The following AARS1 variants were observed in gnomAD, a reference collection of about 807,000 sequenced individuals.
The protein encoded by AARS1 is alanyl-tRNA synthetase 1.
AARS1 carries 72 observed loss-of-function variants against 108.9 expected under a neutral mutation model. The ratio of observed to expected loss-of-function variants is 0.66; its 90% CI spans 0.55 to 0.80. The LOEUF is 0.80. Ranked by LOEUF, AARS1 falls within the 30% of genes least tolerant of loss-of-function variation. The pLI is 0.00. For synonymous variants in AARS1, 489 were observed against 465.7 expected (o/e 1.05, Z -0.64); for missense variants, 1,193 against 1,233.2 (o/e 0.97, Z 0.49).
intron 19 of AARS1, 146 bp from the exon 20 acceptor site, chr16:70,253,527 G>T: frequency 9.8e-7 from 1 of 1,018,360 alleles, no homozygotes; most frequent in Non-Finnish European, 1.5e-6. Context: ...GAGGACCCCA[G>T]CGCCGGGCCC....
chr16:70,263,829 G>A (rs1379411384), intron 11 of AARS1, among the ~76,000 whole-genome samples: 1 of 151,884 alleles, frequency 6.6e-6, no homozygotes, highest in Non-Finnish European at 1.5e-5. Flanking sequence ...TAGAGACAGG[G>A]TTTCGCCATG....
rs541221840 is a variant in AARS1 at position 70,275,529 on chromosome 16, G to A, written c.479+957C>T. 1.3e-4 allele frequency among the ~76,000 whole-genome samples: 20 copies of A among 151,352 alleles called. No individual in the cohort carries two copies. In the East Asian group the frequency reaches 3.0e-3, roughly 23 times the overall value. On this transcript the variant is annotated intron_variant, in intron 4 of 20. Coordinates refer to ENST00000261772, the MANE Select transcript of AARS1 (RefSeq NM_001605.3). The stretch of plus-strand genomic sequence containing the variant: ...TGTAATCCCAGCACTTTGGGAGGCC[G>A]AGGCAGGCGGATCACGAGGTCAGGA...
At chr16:70,261,184 T>C (rs1376843891) in intron 12 of AARS1, 27 bp from the exon 13 acceptor site, 1 of 1,524,428 alleles carries the variant, frequency 6.6e-7, no homozygotes, top group Non-Finnish European at 9.1e-7. Context: ...AAGAGACCAA[T>C]AAATAAATCC....
chr16:70,253,622 G>C (rs765244052), intron 19 of AARS1, 92 bp downstream of exon 19: 2 of 1,439,330 alleles, frequency 1.4e-6, no homozygotes, highest in East Asian at 4.5e-5. Context: ...TGGGCCCTTA[G>C]GCAACCACTT....
intron 1 of AARS1, among the ~76,000 whole-genome samples, chr16:70,284,474 C>T (rs141949736): frequency 1.7e-3 from 253 of 151,984 alleles, no homozygotes; most frequent in African/African-American, 5.6e-3. Context: ...TGGTGGCAGG[C>T]GCCTGTAGTC....
At chr16:70,253,534 GCCCTGC>G in intron 19 of AARS1, 153 bp from the exon 20 acceptor site, 1 of 1,012,068 alleles carries the variant, frequency 9.9e-7, no homozygotes, top group Non-Finnish European at 1.5e-6. Flanking sequence ...CCAGCGCCGG[GCCCTGC>G]CCCTACCCTG....
chr16:70,270,350 C>A lies in AARS1; in HGVS notation c.672-10G>T. The A allele has an allele frequency of 2.5e-6, 4 of 1,614,104 alleles. No individual in the cohort carries two copies. The highest frequency in any genetic ancestry group is 3.4e-6 in the Non-Finnish European group (4 of 1,180,028). The stretch of plus-strand genomic sequence containing the variant: ...AATGCCATCAGCTTCCCTGTATGAT[C>A]CAGAAGAAGAGGAGGTTGAAGCAGA... On this transcript the variant is annotated splice_polypyrimidine_tract_variant and intron_variant, in intron 5 of 20. Transcript: ENST00000261772.
chr16:70,270,140 G>A, intron 6 of AARS1, 56 bp downstream of exon 6: 2 of 1,603,636 alleles, frequency 1.2e-6, no homozygotes, highest in South Asian at 1.1e-5. Context: ...GCACTGTTAA[G>A]AGTACAGCCT....
chr16:70,281,363 G>A (rs1960691149), intron 2 of AARS1, among the ~76,000 whole-genome samples: 1 of 152,036 alleles, frequency 6.6e-6, no homozygotes, highest in Non-Finnish European at 1.5e-5. Context: ...CCCCATCTCT[G>A]CATATAAATA....
intron 1 of AARS1, among the ~76,000 whole-genome samples, chr16:70,285,227 T>TA (rs541642359): frequency 0.08 from 10,674 of 133,758 alleles, 1,214 homozygotes; most frequent in African/African-American, 0.26. Context: ...AGACTCCGTC[T>TA]AAAAAAAAAA....
intron 2 of AARS1, among the ~76,000 whole-genome samples, chr16:70,278,406 A>C (rs1450927265): frequency 1.3e-5 from 2 of 151,876 alleles, no homozygotes; most frequent in Admixed American, 1.3e-4. Flanking sequence ...TCTCCACTAA[A>C]AATGCAAAAT....
intron 4 of AARS1, among the ~76,000 whole-genome samples, chr16:70,274,501 G>A (rs966973873): frequency 6.6e-6 from 1 of 151,346 alleles, no homozygotes; most frequent in East Asian, 2.0e-4. Context: ...CGAGGCGTGT[G>A]GATCACCAGG....
In AARS1 at chr16:70,265,077, C is replaced by A; in HGVS notation, c.1373G>T (p.Gly458Val). Residue 458 changes from glycine to valine, a missense_variant, in exon 11 of 21, where the codon GGT becomes GTT. By Grantham distance (109) the Gly-to-Val change is moderately radical (BLOSUM62 -3). Transcript: ENST00000261772. ...AQLKSQGKGA[G>V]GEDLIMLDIY... ...GTCCAGCATAATGAGGTCTTCCCCA[C>A]CAGCTCCCTTGCCCTGTGATTTCAG... 1 of 1,614,154 alleles carries A rather than the reference C, an allele frequency of 6.2e-7. No individual in the cohort carries two copies. The highest frequency in any genetic ancestry group is 8.5e-7 in the Non-Finnish European group (1 of 1,180,038).
At chr16:70,266,435 G>A (rs1960265566) in intron 9 of AARS1, among the ~76,000 whole-genome samples, 1 of 151,926 alleles carries the variant, frequency 6.6e-6, no homozygotes, top group Non-Finnish European at 1.5e-5. Flanking sequence ...GGCGGAGCTT[G>A]CAGTGAGCTG....
chr16:70,269,395 G>C (rs1190710932), intron 7 of AARS1, among the ~76,000 whole-genome samples: 6 of 141,762 alleles, frequency 4.2e-5, no homozygotes, highest in Admixed American at 2.2e-4. Flanking sequence ...AAATTAGCCA[G>C]GCGTGGTGGT....
In AARS1 at chr16:70,254,603, G is replaced by C. The variant is rs370210754; in HGVS notation, c.2400+18C>G. The C allele has an allele frequency of 7.1e-6, 11 of 1,556,540 alleles. No individual in the cohort carries two copies. In the South Asian group the frequency reaches 1.2e-4, roughly 17 times the overall value. ...ATGCACCAGGCCCTGAGGACGGAGG[G>C]AGGGAAGCCGCCCCTACCTCTCCAA... On this transcript the variant is annotated intron_variant, in intron 17 of 20. Transcript: ENST00000261772.
chr16:70,254,955 G>A (rs1284551816), intron 16 of AARS1, among the ~76,000 whole-genome samples: 1 of 152,110 alleles, frequency 6.6e-6, no homozygotes. Flanking sequence ...TCAGACTCAG[G>A]GGTGATCAAG....
Position 70,255,790 on chromosome 16 carries a change from C to A in AARS1, c.2224G>T (p.Glu742Ter). The A allele has an allele frequency of 6.2e-7, 1 of 1,614,212 alleles. No homozygotes were observed. Among genetic ancestry groups the A allele is most frequent in the Non-Finnish European group, 8.5e-7 (1 of 1,180,032 alleles). The change falls in exon 16 of 21, where the codon GAA becomes TAA. Residue 742 changes from glutamate (E) to a stop codon, truncating the protein, a stop_gained. Coordinates refer to ENST00000261772, the MANE Select transcript of AARS1 (RefSeq NM_001605.3). LOFTEE classifies it high-confidence loss of function. ...CGGATACCCTTGGCAATGGCTTCTT[C>A]CGTCACGATCACAAAAGCTCCTGCA... ...SHAGAFVIVT[E>*]EAIAKGIRRI...
chr16:70,278,487 C>G (rs1960607637), intron 2 of AARS1, among the ~76,000 whole-genome samples: 1 of 151,578 alleles, frequency 6.6e-6, no homozygotes, highest in Non-Finnish European at 1.5e-5. Flanking sequence ...ATCACTTGAA[C>G]CCGGGAGGCA....
Sources: gnomAD v4.1 joint callset for allele counts (sites outside exome capture counted in the v4.1 genomes callset) on GRCh38, gnomAD v4.1.1 for gene constraint, MANE v1.5 for transcripts, NCBI Gene and HGNC (gene_info 2026-07-23, HGNC 2026-07-21) for gene names.